Variants in DOK6 observed in about 807,000 individuals in gnomAD.
DOK6 encodes downstream of tyrosine kinase 6.
A neutral mutation model predicts 44.0 loss-of-function variants in DOK6; 22 were observed. The observed-to-expected ratio is 0.50, with a 90% CI of 0.36 to 0.71. The LOEUF is 0.71. Ranked by LOEUF, DOK6 falls within the 30% of genes least tolerant of loss-of-function variation. The probability of loss-of-function intolerance (pLI) is 0.00; values close to 1 mark genes in which losing one functional copy is unlikely to be tolerated. For synonymous variants in DOK6, 166 were observed against 145.5 expected (o/e 1.14, Z -1.01); for missense variants, 340 against 416.4 (o/e 0.82, Z 1.60).
chr18:69,774,789 G>A (rs534085889), intron 7 of DOK6, among the ~76,000 whole-genome samples: 31 of 152,010 alleles, frequency 2.0e-4, no homozygotes, highest in African/African-American at 7.5e-4. Flanking sequence ...AGCAAATGGG[G>A]ATGAGGTAAA....
intron 5 of DOK6, among the ~76,000 whole-genome samples, chr18:69,703,655 CCT>C (rs1042387027): frequency 6.6e-6 from 1 of 152,144 alleles, no homozygotes; most frequent in Admixed American, 6.5e-5. Context: ...GATTCAGAAA[CCT>C]AGGATGCTGC....
intron 1 of DOK6, among the ~76,000 whole-genome samples, chr18:69,429,039 C>A (rs1044601011): frequency 2.6e-5 from 4 of 152,120 alleles, no homozygotes; most frequent in Non-Finnish European, 5.9e-5. Flanking sequence ...TGGACTACTT[C>A]GATCTGGAAT....
intron 6 of DOK6, among the ~76,000 whole-genome samples, chr18:69,753,946 T>A (rs1000356094): frequency 6.6e-6 from 1 of 152,076 alleles, no homozygotes; most frequent in African/African-American, 2.4e-5. Flanking sequence ...TGTTTAGAAA[T>A]AATCTCATAA....
intron 1 of DOK6, among the ~76,000 whole-genome samples, chr18:69,516,439 GA>G (rs1161606358): frequency 6.6e-6 from 1 of 152,120 alleles, no homozygotes; most frequent in Non-Finnish European, 1.5e-5. Context: ...TTCACCAGGT[GA>G]AGACAAGAAG....
In DOK6 at chr18:69,677,758, A is replaced by G. The variant is rs370323473; in HGVS notation, c.314A>G (p.Lys105Arg). 6.2e-7 allele frequency: 1 copy of G among 1,613,556 alleles called. No homozygotes were observed. The highest frequency in any genetic ancestry group is 8.5e-7 in the Non-Finnish European group (1 of 1,179,736). ...GAGCTGGAGGCCGAGGAGTGGTGCA[A>G]GCACCTCTGCATGGAGTGTCTGGGG... Reference protein sequence around the residue: ...ESELEAEEWCKHLCMECLGTR... With the variant: ...ESELEAEEWCRHLCMECLGTR... The change falls in exon 4 of 8, where the codon AAG becomes AGG. Residue 105 changes from lysine (K) to arginine (R), a missense_variant. Lys to Arg is a conservative substitution (Grantham distance 26). Transcript: ENST00000382713.
chr18:69,505,493 T>C (rs1019205282), intron 1 of DOK6, among the ~76,000 whole-genome samples: 2 of 125,708 alleles, frequency 1.6e-5, no homozygotes, highest in Admixed American at 8.8e-5. Flanking sequence ...CTCCCATTCT[T>C]TTTTTTTTTT....
intron 3 of DOK6, among the ~76,000 whole-genome samples, chr18:69,631,703 G>A (rs1293187478): frequency 1.3e-5 from 2 of 152,128 alleles, no homozygotes; most frequent in East Asian, 1.9e-4. Flanking sequence ...TTGATACCGT[G>A]AATACATGCA....
intron 3 of DOK6, among the ~76,000 whole-genome samples, chr18:69,644,348 C>T (rs1205492099): frequency 6.6e-6 from 1 of 152,064 alleles, no homozygotes; most frequent in Non-Finnish European, 1.5e-5. Context: ...CTCTTAATTC[C>T]TAAAGGTTTT....
intron 5 of DOK6, among the ~76,000 whole-genome samples, chr18:69,724,369 A>G (rs889214081): frequency 2.6e-5 from 4 of 152,248 alleles, no homozygotes; most frequent in Non-Finnish European, 4.4e-5. Flanking sequence ...AGAAGATAGC[A>G]TTGAAAATGA....
chr18:69,765,030 A>C (rs959752221), intron 7 of DOK6, among the ~76,000 whole-genome samples: 1 of 152,210 alleles, frequency 6.6e-6, no homozygotes, highest in East Asian at 1.9e-4. Flanking sequence ...GAAATAGGCA[A>C]TTAGAATTAG....
At chr18:69,560,528 G>A (rs991514740) in intron 1 of DOK6, among the ~76,000 whole-genome samples, 8 of 152,038 alleles carry the variant, frequency 5.3e-5, no homozygotes, top group Non-Finnish European at 7.4e-5. Context: ...TGGAATAAAC[G>A]GTTTTGTTTA....
intron 1 of DOK6, among the ~76,000 whole-genome samples, chr18:69,553,365 T>G (rs970662939): frequency 1.3e-5 from 2 of 152,240 alleles, no homozygotes; most frequent in Non-Finnish European, 2.9e-5. Context: ...CTTCTGTCCA[T>G]GCATTCATTG....
chr18:69,401,114 G>T lies in DOK6; in HGVS notation c.-131G>T. ...GCGTCCCCACCGGCGGGAGCTCGGG[G>T]AAGAGCGGGCGGCGGCGCTGCTGCT... is the stretch of plus-strand genomic sequence containing the variant. On this transcript the variant is annotated 5_prime_UTR_variant, in exon 1 of 8. Coordinates refer to ENST00000382713, the MANE Select transcript of DOK6 (RefSeq NM_152721.6). 2.2e-6 allele frequency: 2 copies of T among 904,914 alleles called. No homozygotes were observed. The highest frequency in any genetic ancestry group is 2.9e-6 in the Non-Finnish European group (2 of 678,004). 56.1% of individuals were successfully genotyped at this position (904,914 alleles called of 1,614,324 possible). A position where few individuals can be genotyped will look rare whatever the true frequency, so the allele number is the denominator to read the frequency against.
intron 1 of DOK6, among the ~76,000 whole-genome samples, chr18:69,476,045 C>G (rs1007603689): frequency 6.6e-6 from 1 of 152,142 alleles, no homozygotes; most frequent in Non-Finnish European, 1.5e-5. Flanking sequence ...CCTTCCCACC[C>G]CTCTCACCTC....
At chr18:69,703,389 G>A (rs926787399) in intron 5 of DOK6, among the ~76,000 whole-genome samples, 1 of 152,090 alleles carries the variant, frequency 6.6e-6, no homozygotes, top group African/African-American at 2.4e-5. Context: ...ACAAAAATAG[G>A]TAACACATAG....
At chr18:69,579,492 G>A (rs1983313607) in intron 2 of DOK6, among the ~76,000 whole-genome samples, 1 of 151,988 alleles carries the variant, frequency 6.6e-6, no homozygotes, top group Non-Finnish European at 1.5e-5. Context: ...TCTCATGCTG[G>A]AAGCTATCAT....
chr18:69,488,459 G>A (rs1049142480), intron 1 of DOK6, among the ~76,000 whole-genome samples: 2 of 152,076 alleles, frequency 1.3e-5, no homozygotes, highest in African/African-American at 4.8e-5. Context: ...CAACGTTCTT[G>A]TCATGTGTTT....
intron 3 of DOK6, among the ~76,000 whole-genome samples, chr18:69,605,117 T>C (rs977321622): frequency 5.9e-5 from 9 of 151,428 alleles, no homozygotes; most frequent in African/African-American, 2.2e-4. Context: ...TGTGTGTGTG[T>C]GTGTGTGTGT....
At chr18:69,509,160 C>T (rs1981276994) in intron 1 of DOK6, among the ~76,000 whole-genome samples, 1 of 152,112 alleles carries the variant, frequency 6.6e-6, no homozygotes, top group African/African-American at 2.4e-5. Flanking sequence ...GTATTCTTTC[C>T]TTCATCAGAG....
Sources: allele counts gnomAD v4.1 joint callset (sites outside exome capture counted in the v4.1 genomes callset), GRCh38; gene constraint gnomAD v4.1.1; transcripts MANE v1.5; gene names NCBI Gene and HGNC (gene_info 2026-07-23, HGNC 2026-07-21).